Variants in ESR1 observed in about 807,000 individuals in gnomAD.
The protein encoded by ESR1 is estrogen receptor 1.
A neutral mutation model predicts 52.7 loss-of-function variants in ESR1; 12 were observed. That is an observed-to-expected ratio of 0.23 (90% CI 0.15 to 0.37). The LOEUF is 0.37. ESR1 is among the 10% of genes least tolerant of loss of function. ESR1 has a pLI of 1.00. For missense variants in ESR1, 584 were observed against 779.7 expected (o/e 0.75, Z 2.99); for synonymous variants, 305 against 316.8 (o/e 0.96, Z 0.39).
intron 4 of ESR1, among the ~76,000 whole-genome samples, chr6:151,983,113 G>GGCCAC: frequency 6.6e-6 from 1 of 152,096 alleles, no homozygotes. Flanking sequence ...GTGGCCAGTG[G>GGCCAC]CTATCATATT....
chr6:151,881,938 G>A (rs536950678), intron 3 of ESR1, among the ~76,000 whole-genome samples: 14 of 150,758 alleles, frequency 9.3e-5, no homozygotes, highest in African/African-American at 1.9e-4. Context: ...ATAAAGTAAC[G>A]GATTCATTTA....
chr6:152,092,885 G>T (rs957988456), intron 6 of ESR1, among the ~76,000 whole-genome samples: 1 of 152,160 alleles, frequency 6.6e-6, no homozygotes, highest in Non-Finnish European at 1.5e-5. Context: ...ATAAGCGACA[G>T]AAATCCAACT....
At chr6:151,994,829 T>A (rs368157499) in intron 4 of ESR1, among the ~76,000 whole-genome samples, 2 of 151,570 alleles carry the variant, frequency 1.3e-5, no homozygotes, top group Admixed American at 1.3e-4. Context: ...AGGGAGAGAG[T>A]CAAGCCTGTA....
chr6:151,850,093 ATTTT>A, intron 2 of ESR1, among the ~76,000 whole-genome samples: 2 of 10,496 alleles, frequency 1.9e-4, no homozygotes, highest in South Asian at 2.7e-3. Context: ...TATATATATA[ATTTT>A]ATATATATAT....
chr6:151,983,964 C>T (rs1450448923), intron 4 of ESR1: 1 of 152,104 alleles, frequency 6.6e-6, no homozygotes, highest in Non-Finnish European at 1.5e-5. Context: ...AGTAAACTCC[C>T]CAATTTGCAG....
chr6:151,940,596 C>T (rs1174584054), intron 3 of ESR1, among the ~76,000 whole-genome samples: 1 of 152,186 alleles, frequency 6.6e-6, no homozygotes, highest in Non-Finnish European at 1.5e-5. Context: ...TAGTCTGCTC[C>T]TAAATTCCTC....
chr6:151,719,687 T>C (rs774324209), intron 2 of ESR1, among the ~76,000 whole-genome samples: 9 of 152,198 alleles, frequency 5.9e-5, no homozygotes, highest in Non-Finnish European at 1.0e-4. Context: ...CTACAATTCA[T>C]TTTCATGTGA....
At chr6:151,874,470 C>G (rs955898791) in intron 2 of ESR1, among the ~76,000 whole-genome samples, 1 of 152,106 alleles carries the variant, frequency 6.6e-6, no homozygotes, top group African/African-American at 2.4e-5. Flanking sequence ...ATTTCTGACT[C>G]CATAAAGTTA....
intron 3 of ESR1, among the ~76,000 whole-genome samples, chr6:151,915,847 T>TTCTCTC (rs10549103): frequency 4.0e-5 from 6 of 149,016 alleles, no homozygotes; most frequent in African/African-American, 1.5e-4. Flanking sequence ...CTTTCTCTCT[T>TTCTCTC]TCTCTCTCTC....
chr6:151,922,521 C>T (rs2031898212), intron 3 of ESR1, among the ~76,000 whole-genome samples: 2 of 152,174 alleles, frequency 1.3e-5, no homozygotes, highest in Admixed American at 1.3e-4. Context: ...TTTTGTAGCT[C>T]ATCTTGTTCC....
chr6:151,983,263 G>A (rs2128683191), intron 4 of ESR1, among the ~76,000 whole-genome samples: 1 of 152,262 alleles, frequency 6.6e-6, no homozygotes, highest in African/African-American at 2.4e-5. Flanking sequence ...GTAGAGAGGA[G>A]GAGGGCGACT....
chr6:151,735,152 A>G (rs1033884053), intron 2 of ESR1, among the ~76,000 whole-genome samples: 1 of 152,222 alleles, frequency 6.6e-6, no homozygotes, highest in Admixed American at 6.5e-5. Context: ...TCATAGAACC[A>G]ATCTAACATC....
At chr6:151,876,263 G>A (rs1020376378) in intron 2 of ESR1, among the ~76,000 whole-genome samples, 1 of 152,128 alleles carries the variant, frequency 6.6e-6, no homozygotes, top group African/African-American at 2.4e-5. Flanking sequence ...GAGGAAAGAA[G>A]ACAGTCGTCA....
At chr6:152,034,164 T>TA (rs1404488484) in intron 5 of ESR1, among the ~76,000 whole-genome samples, 2 of 139,156 alleles carry the variant, frequency 1.4e-5, no homozygotes, top group South Asian at 2.7e-4. Flanking sequence ...GGGGGAGGGA[T>TA]GCATTAGGAG....
chr6:151,795,257 T>A (rs1562412151), intron 2 of ESR1, among the ~76,000 whole-genome samples: 1 of 151,306 alleles, frequency 6.6e-6, no homozygotes, highest in African/African-American at 2.4e-5. Flanking sequence ...GAGGCTGAGG[T>A]GGGGGGATCA....
At chr6:152,035,216 G>A (rs1211334010) in intron 5 of ESR1, among the ~76,000 whole-genome samples, 3 of 151,746 alleles carry the variant, frequency 2.0e-5, no homozygotes, top group African/African-American at 7.3e-5. Flanking sequence ...TCTACAAGAA[G>A]GGCTAGTTAA....
At chr6:151,720,353 C>T (rs184497701) in intron 2 of ESR1, among the ~76,000 whole-genome samples, 207 of 152,278 alleles carry the variant, frequency 1.4e-3, no homozygotes, top group Admixed American at 4.6e-3. Flanking sequence ...ACTTTAATAT[C>T]CCTTTGCCTT....
At chr6:152,125,379 T>C in exon 7 of ESR1, 1 of 1,541,830 alleles carries the variant, frequency 6.5e-7, no homozygotes. Context: ...CACAGTATCC[T>C]GCAGATCATC....
chr6:151,991,784 T>C (rs1001262442), intron 4 of ESR1, among the ~76,000 whole-genome samples: 2 of 152,126 alleles, frequency 1.3e-5, no homozygotes, highest in African/African-American at 4.8e-5. Context: ...CAGTGCTAAG[T>C]TGAGTGTAGT....
Sources: allele counts gnomAD v4.1 joint callset (sites outside exome capture counted in the v4.1 genomes callset), GRCh38; gene constraint gnomAD v4.1.1; transcripts MANE v1.5; gene names NCBI Gene and HGNC (gene_info 2026-07-23, HGNC 2026-07-21).